DCC: variants seen among roughly 807,000 people sequenced by gnomAD.
DCC encodes DCC netrin 1 receptor.
A neutral mutation model predicts 172.5 loss-of-function variants in DCC; 58 were observed. That is an observed-to-expected ratio of 0.34 (90% confidence interval 0.27 to 0.42). The LOEUF is 0.42. Ranked by LOEUF, DCC falls within the 10% of genes least tolerant of loss-of-function variation. The pLI, the probability that DCC is intolerant of heterozygous loss-of-function variation, is 1.00. For synonymous variants in DCC, 709 were observed against 644.5 expected (o/e 1.10, Z -1.52); for missense variants, 1,740 against 1,791.0 (o/e 0.97, Z 0.51).
intron 27 of DCC, among the ~76,000 whole-genome samples, chr18:53,502,683 G>T (rs1197153918): frequency 6.6e-6 from 1 of 152,228 alleles, no homozygotes; most frequent in South Asian, 2.1e-4. Context: ...AATTAGTGAT[G>T]AATTTATCTT....
intron 21 of DCC, among the ~76,000 whole-genome samples, chr18:53,434,287 T>C (rs1502228): frequency 0.037 from 5,672 of 152,226 alleles, 364 homozygotes; most frequent in African/African-American, 0.13. Flanking sequence ...GGTCTTTGTT[T>C]GCATACAGAT....
chr18:52,425,712 C>A (rs1987402057), intron 1 of DCC, among the ~76,000 whole-genome samples: 1 of 151,948 alleles, frequency 6.6e-6, no homozygotes, highest in Non-Finnish European at 1.5e-5. Flanking sequence ...ATTCTTCCCA[C>A]CCTCATTCAT....
At chr18:52,432,686 T>C (rs779775520) in intron 1 of DCC, among the ~76,000 whole-genome samples, 1 of 152,152 alleles carries the variant, frequency 6.6e-6, no homozygotes, top group Non-Finnish European at 1.5e-5. Flanking sequence ...AAGTCAAACT[T>C]GAAAGGAGTT....
chr18:52,853,736 T>C (rs918522797), intron 2 of DCC, among the ~76,000 whole-genome samples: 10 of 152,318 alleles, frequency 6.6e-5, no homozygotes, highest in Non-Finnish European at 1.3e-4. Context: ...TCACTGTTCC[T>C]AGGTCAGGGA....
intron 2 of DCC, among the ~76,000 whole-genome samples, chr18:52,802,056 C>T (rs1454161373): frequency 2.0e-5 from 3 of 151,132 alleles, no homozygotes; most frequent in Admixed American, 2.0e-4. Context: ...TCCCTCTGAG[C>T]AGTAACACAG....
At chr18:52,587,046 G>A (rs1406191742) in intron 1 of DCC, among the ~76,000 whole-genome samples, 2 of 152,208 alleles carry the variant, frequency 1.3e-5, no homozygotes, top group Non-Finnish European at 2.9e-5. Context: ...CTGGGTGCAG[G>A]ATAATCAAAC....
chr18:52,929,467 G>A (rs1249638673), intron 5 of DCC, among the ~76,000 whole-genome samples: 1 of 152,034 alleles, frequency 6.6e-6, no homozygotes, highest in African/African-American at 2.4e-5. Flanking sequence ...AATAAAATAC[G>A]TGACCGTAAT....
chr18:53,147,383 C>A (rs538378940), intron 7 of DCC, among the ~76,000 whole-genome samples: 1 of 152,306 alleles, frequency 6.6e-6, no homozygotes, highest in African/African-American at 2.4e-5. Context: ...AGGAAACATG[C>A]TTCGTATACA....
At chr18:53,284,032 T>A (rs2056905527) in intron 12 of DCC, among the ~76,000 whole-genome samples, 1 of 152,196 alleles carries the variant, frequency 6.6e-6, no homozygotes, top group Admixed American at 6.5e-5. Flanking sequence ...AATAAGCATA[T>A]AAATTATTAT....
intron 26 of DCC, among the ~76,000 whole-genome samples, chr18:53,493,397 C>T (rs1172728650): frequency 6.6e-6 from 1 of 152,160 alleles, no homozygotes; most frequent in Non-Finnish European, 1.5e-5. Context: ...GCATCCTTGT[C>T]TTGTGCCAGT....
chr18:53,032,199 A>C lies in DCC; in HGVS notation c.986-31106A>C, dbSNP rs951199629. On this transcript the variant is annotated intron_variant, in intron 5 of 28. Transcript: ENST00000442544. ...AGAATCTCCTCAAATAAAAAAATAC[A>C]AAACTTGTCTAGAAGAACGTGAGAA... Among the ~76,000 whole-genome samples the C allele has an allele frequency of 2.6e-5, 4 of 152,322 alleles. No homozygotes were observed. In the East Asian group the frequency reaches 7.7e-4, roughly 29 times the overall value.
chr18:53,095,792 CT>C (rs71175552), intron 7 of DCC, among the ~76,000 whole-genome samples: 48,560 of 125,732 alleles, frequency 0.39, 9,418 homozygotes, highest in Non-Finnish European at 0.43. Context: ...ATATGGATAT[CT>C]TTTTTTTTTT....
intron 2 of DCC, among the ~76,000 whole-genome samples, chr18:52,756,487 C>T (rs1360742404): frequency 1.3e-5 from 2 of 152,158 alleles, no homozygotes; most frequent in Admixed American, 6.5e-5. Flanking sequence ...CATATATGTG[C>T]ATACATAAAC....
chr18:52,790,947 A>G (rs1251729639), intron 2 of DCC, among the ~76,000 whole-genome samples: 1 of 152,188 alleles, frequency 6.6e-6, no homozygotes, highest in Admixed American at 6.5e-5. Context: ...AGGTCCTGCA[A>G]TGAGAATGGA....
At chr18:53,040,783 T>C (rs962089066) in intron 5 of DCC, among the ~76,000 whole-genome samples, 2 of 151,570 alleles carry the variant, frequency 1.3e-5, no homozygotes, top group African/African-American at 4.8e-5. Context: ...ATGAGCAAAT[T>C]TGAAGTGAGA....
At chr18:52,494,991 T>A (rs767909817) in intron 1 of DCC, among the ~76,000 whole-genome samples, 1 of 152,104 alleles carries the variant, frequency 6.6e-6, no homozygotes. Context: ...TTTAACCCAA[T>A]AAGGGACTGA....
At chr18:53,500,585 TAAG>T (rs1186797233) in intron 27 of DCC, among the ~76,000 whole-genome samples, 2 of 151,812 alleles carry the variant, frequency 1.3e-5, no homozygotes, top group South Asian at 4.1e-4. Flanking sequence ...TATTTTATAT[TAAG>T]AATGTATCTA....
chr18:52,368,939 G>T (rs1984996083), intron 1 of DCC, among the ~76,000 whole-genome samples: 1 of 152,150 alleles, frequency 6.6e-6, no homozygotes, highest in East Asian at 1.9e-4. Flanking sequence ...GCAAATCAAA[G>T]TTGTTGTTGA....
chr18:52,812,835 T>G (rs563255864), intron 2 of DCC, among the ~76,000 whole-genome samples: 1 of 152,274 alleles, frequency 6.6e-6, no homozygotes, highest in South Asian at 2.1e-4. Flanking sequence ...CTGAACACTG[T>G]TGGGCTGAGA....
Sources: gnomAD v4.1 joint callset for allele counts (sites outside exome capture counted in the v4.1 genomes callset) on GRCh38, gnomAD v4.1.1 for gene constraint, MANE v1.5 for transcripts, NCBI Gene and HGNC (gene_info 2026-07-23, HGNC 2026-07-21) for gene names.